CD2AP: variants seen among roughly 807,000 people sequenced by gnomAD.
CD2AP encodes the protein CD2 associated protein, also known as CD2-associated protein.
A neutral mutation model predicts 85.1 loss-of-function variants in CD2AP; 46 were observed. The observed-to-expected ratio is 0.54, with a 90% CI of 0.43 to 0.69. CD2AP has a LOEUF of 0.69. CD2AP is among the 30% of genes least tolerant of loss of function. The probability of loss-of-function intolerance (pLI) is 0.00; values close to 1 mark genes in which losing one functional copy is unlikely to be tolerated. For synonymous variants in CD2AP, 255 were observed against 252.9 expected (o/e 1.01, Z -0.08); for missense variants, 769 against 729.5 (o/e 1.05, Z -0.62).
chr6:47,595,929 A>G lies in CD2AP; in HGVS notation c.1177A>G (p.Thr393Ala), dbSNP rs867333326. The G allele has an allele frequency of 3.1e-6, 5 of 1,612,676 alleles. No homozygotes were observed. Among genetic ancestry groups the G allele is most frequent in the Admixed American group, 1.7e-5 (1 of 59,946 alleles). Residue 393 changes from threonine to alanine, a missense_variant, in exon 12 of 18, where the codon ACT becomes GCT. By Grantham distance (58) the Thr-to-Ala change is moderately conservative (BLOSUM62 0). Coordinates refer to ENST00000359314, the MANE Select transcript of CD2AP (RefSeq NM_012120.3). Reference sequence around the variant, plus strand: ...TCCACAAGTCCCACCCAAGAAACCTACTCCACCTACCAAAGCCAGTAATTT... The same window carrying G: ...TCCACAAGTCCCACCCAAGAAACCTGCTCCACCTACCAAAGCCAGTAATTT... ...AAPQVPPKKPTPPTKASNLLR... is the reference protein window; with the variant it reads ...AAPQVPPKKPAPPTKASNLLR...
At position 47,606,253 on chromosome 6, in the gene CD2AP, G is replaced by A. The variant is rs554093491; in HGVS notation, c.1506G>A (p.Pro502=). Residue 502 remains proline, a synonymous_variant, in exon 14 of 18, where the codon CCG becomes CCA. Transcript: ENST00000359314. ...CAAAGATGCCTGGAAGAAGGTTGCCGGGCCGTTTCAATGGTGGACATTCTG... is the reference window on the plus strand; with the variant it reads ...CAAAGATGCCTGGAAGAAGGTTGCCAGGCCGTTTCAATGGTGGACATTCTG... ...NRPKMPGRRL[P]GRFNGGHSPT... is the part of the protein sequence containing the mutation. 1.3e-5 allele frequency: 21 copies of A among 1,606,348 alleles called. 1 individual carries two copies. The highest frequency in any genetic ancestry group is 1.7e-4 in the Middle Eastern group (1 of 6,034).
chr6:47,478,466 C>G (rs1765363174), intron 1 of CD2AP, among the ~76,000 whole-genome samples: 2 of 152,100 alleles, frequency 1.3e-5, no homozygotes, highest in South Asian at 4.1e-4. Context: ...TTCCCTCGCT[C>G]TCCCTTCTCC....
At chr6:47,540,920 A>G (rs1582534995) in intron 3 of CD2AP, among the ~76,000 whole-genome samples, 1 of 152,362 alleles carries the variant, frequency 6.6e-6, no homozygotes, top group African/African-American at 2.4e-5. Context: ...TAATGAACAC[A>G]GTTTCTCAAG....
At chr6:47,507,170 T>C (rs1766194844) in intron 2 of CD2AP, among the ~76,000 whole-genome samples, 1 of 152,208 alleles carries the variant, frequency 6.6e-6, no homozygotes. Context: ...TATCACAAGG[T>C]TGCAATAATT....
intron 2 of CD2AP, among the ~76,000 whole-genome samples, chr6:47,510,728 C>T (rs1482227848): frequency 1.3e-5 from 2 of 151,972 alleles, no homozygotes; most frequent in African/African-American, 2.4e-5. Context: ...TTTCCTTTTC[C>T]GCACACCCCC....
intron 3 of CD2AP, among the ~76,000 whole-genome samples, chr6:47,538,349 C>G (rs964653100): frequency 6.6e-6 from 1 of 152,160 alleles, no homozygotes; most frequent in Non-Finnish European, 1.5e-5. Context: ...TCAACCGATT[C>G]TCCTGCCCCA....
chr6:47,582,751 C>A (rs1384438508), intron 11 of CD2AP, among the ~76,000 whole-genome samples: 1 of 151,430 alleles, frequency 6.6e-6, no homozygotes, highest in Non-Finnish European at 1.5e-5. Flanking sequence ...GCTCATACTT[C>A]ATGTTGTTGC....
At chr6:47,507,755 T>C (rs1766212293) in intron 2 of CD2AP, among the ~76,000 whole-genome samples, 1 of 152,212 alleles carries the variant, frequency 6.6e-6, no homozygotes, top group African/African-American at 2.4e-5. Context: ...AAAATGTATT[T>C]CTTAAATAAG....
At chr6:47,616,082 CT>C (rs562350159) in intron 17 of CD2AP, among the ~76,000 whole-genome samples, 282 of 63,796 alleles carry the variant, frequency 4.4e-3, no homozygotes, top group African/African-American at 0.019. Context: ...TGCGCCTGGC[CT>C]TTTTTTTTTT....
intron 17 of CD2AP, among the ~76,000 whole-genome samples, chr6:47,619,586 T>A (rs1431176660): frequency 6.6e-6 from 1 of 152,188 alleles, no homozygotes; most frequent in Non-Finnish European, 1.5e-5. Flanking sequence ...AGATACCCAG[T>A]AGTGGGATTG....
intron 17 of CD2AP, among the ~76,000 whole-genome samples, chr6:47,613,179 A>G (rs771201197): frequency 1.3e-5 from 2 of 152,176 alleles, no homozygotes; most frequent in Non-Finnish European, 2.9e-5. Context: ...AGTTGGAATC[A>G]TCTTCCAAAA....
At chr6:47,549,039 A>T (rs1562026846) in intron 4 of CD2AP, among the ~76,000 whole-genome samples, 1 of 152,108 alleles carries the variant, frequency 6.6e-6, no homozygotes, top group Non-Finnish European at 1.5e-5. Flanking sequence ...AAATTGGCAT[A>T]TAAGGGACAT....
At chr6:47,598,812 C>T (rs189549223) in intron 12 of CD2AP, among the ~76,000 whole-genome samples, 78 of 150,462 alleles carry the variant, frequency 5.2e-4, no homozygotes, top group African/African-American at 1.7e-3. Context: ...GTGCACTGCT[C>T]GGGTGGTGGG....
At chr6:47,603,586 A>C (rs1426787200) in intron 13 of CD2AP, among the ~76,000 whole-genome samples, 1 of 152,148 alleles carries the variant, frequency 6.6e-6, no homozygotes. Context: ...AAAGGAATAA[A>C]CCTAAAACCT....
intron 6 of CD2AP, 58 bp from the exon 7 acceptor site, chr6:47,576,466 T>TTTA: frequency 8.8e-7 from 1 of 1,137,506 alleles, no homozygotes; most frequent in Non-Finnish European, 1.3e-6. Context: ...AAACTTTGTT[T>TTTA]AACAGTATTA....
chr6:47,618,923 T>A (rs1007079049), intron 17 of CD2AP, among the ~76,000 whole-genome samples: 2 of 152,218 alleles, frequency 1.3e-5, no homozygotes, highest in African/African-American at 4.8e-5. Flanking sequence ...AGTTTTAGAA[T>A]AATTTATTTA....
At position 47,579,380 on chromosome 6, in the gene CD2AP, T is replaced by C; in HGVS notation, c.904-5T>C. ...TTGTCTTAATTATTCTATTTTGCTTTTTAGGAGACTGGAGAAGCTGGCTGG... is the reference window on the plus strand; with the variant it reads ...TTGTCTTAATTATTCTATTTTGCTTCTTAGGAGACTGGAGAAGCTGGCTGG... On this transcript the variant is annotated splice_region_variant and splice_polypyrimidine_tract_variant and intron_variant, in intron 8 of 17. Transcript: ENST00000359314. 3 of 1,578,724 alleles carry C rather than the reference T, an allele frequency of 1.9e-6. No homozygotes were observed. Among genetic ancestry groups the C allele is most frequent in the Non-Finnish European group, 2.6e-6 (3 of 1,147,768 alleles).
intron 2 of CD2AP, among the ~76,000 whole-genome samples, chr6:47,525,047 A>G (rs1766687037): frequency 6.6e-6 from 1 of 151,990 alleles, no homozygotes; most frequent in Non-Finnish European, 1.5e-5. Flanking sequence ...TTTTTCCTGG[A>G]TATTCCTTAT....
rs1768458248 is a variant in CD2AP at position 47,580,844 on chromosome 6, C to T, written c.1009-20C>T. On this transcript the variant is annotated intron_variant, in intron 9 of 17. Coordinates refer to ENST00000359314, the MANE Select transcript of CD2AP (RefSeq NM_012120.3). ...TGATATGAAACTGGTCAGCCGTTTC[C>T]ACCATTATTATTTTAACAGAAACCA... is the stretch of plus-strand genomic sequence containing the variant. 1.3e-6 allele frequency: 2 copies of T among 1,589,716 alleles called. No homozygotes were observed. The highest frequency in any genetic ancestry group is 1.7e-6 in the Non-Finnish European group (2 of 1,158,548).
Sources: allele counts gnomAD v4.1 joint callset (sites outside exome capture counted in the v4.1 genomes callset), GRCh38; gene constraint gnomAD v4.1.1; transcripts MANE v1.5; gene names NCBI Gene and HGNC (gene_info 2026-07-23, HGNC 2026-07-21).